The following STK32B variants were observed in gnomAD, a reference collection of about 807,000 sequenced individuals.
STK32B encodes the protein serine/threonine-protein kinase 32B.
STK32B carries 43 observed loss-of-function variants against 52.6 expected under a neutral mutation model. The observed-to-expected ratio is 0.82, with a 90% CI of 0.64 to 1.05. The LOEUF (loss-of-function observed/expected upper bound fraction) is 1.05, where lower values mean the gene tolerates loss of function less well. STK32B is among the 50% of genes least tolerant of loss of function. The pLI is 0.00. For synonymous variants in STK32B, 238 were observed against 204.3 expected (o/e 1.17, Z -1.41); for missense variants, 621 against 534.6 (o/e 1.16, Z -1.59).
chr4:5,369,859 G>A (rs1735111815), intron 4 of STK32B, among the ~76,000 whole-genome samples: 1 of 151,936 alleles, frequency 6.6e-6, no homozygotes, highest in East Asian at 1.9e-4. Context: ...CTATCAAAGA[G>A]TATATTTTTT....
At chr4:5,440,413 G>A (rs929906734) in intron 6 of STK32B, among the ~76,000 whole-genome samples, 2 of 152,022 alleles carry the variant, frequency 1.3e-5, no homozygotes, top group Non-Finnish European at 2.9e-5. Flanking sequence ...TTTGTCTGTT[G>A]TTGGTGTGTA....
intron 1 of STK32B, among the ~76,000 whole-genome samples, chr4:5,079,521 TAG>T (rs1220564242): frequency 6.6e-6 from 1 of 152,210 alleles, no homozygotes; most frequent in African/African-American, 2.4e-5. Flanking sequence ...TCTTGTTGCT[TAG>T]AGAGTTAGAA....
intron 7 of STK32B, among the ~76,000 whole-genome samples, chr4:5,455,777 G>T (rs1394006887): frequency 6.6e-6 from 1 of 152,144 alleles, no homozygotes; most frequent in Non-Finnish European, 1.5e-5. Context: ...AGAAATGAGC[G>T]TGGTCAAATT....
rs1161527596 is a variant in STK32B, at chr4:5,460,099, G to A, written c.784-4G>A. The A allele has an allele frequency of 4.3e-6, 7 of 1,614,166 alleles. No individual in the cohort carries two copies. Among genetic ancestry groups the A allele is most frequent in the Non-Finnish European group, 5.9e-6 (7 of 1,180,018 alleles). ...ATGGAAACTCATTTGCCCTCTAACT[G>A]CAGCTCCTGACCAAGGATCCTGAGA... On this transcript the variant is annotated splice_polypyrimidine_tract_variant and splice_region_variant and intron_variant, in intron 8 of 11. Transcript: ENST00000282908. The surrounding 1 kb of genome is among the most constrained non-coding windows in gnomAD (Gnocchi z 4.8).
chr4:5,336,406 C>G (rs1379812247), intron 4 of STK32B, among the ~76,000 whole-genome samples: 1 of 151,980 alleles, frequency 6.6e-6, no homozygotes, highest in African/African-American at 2.4e-5. Flanking sequence ...CCAGGGAAAT[C>G]TTCTAACTTG....
the STK32B span, among the ~76,000 whole-genome samples, chr4:5,044,273 A>C: frequency 6.6e-6 from 1 of 152,122 alleles, no homozygotes; most frequent in African/African-American, 2.4e-5. Flanking sequence ...CTCCAATCTC[A>C]GGGCCTTAAA....
chr4:5,083,836 A>T (rs965320561), intron 1 of STK32B, among the ~76,000 whole-genome samples: 2 of 151,656 alleles, frequency 1.3e-5, no homozygotes, highest in Non-Finnish European at 2.9e-5. Context: ...TCCTGGGTTC[A>T]AGCAATTGTG....
At chr4:5,498,345 T>A (rs762759295) in intron 11 of STK32B, among the ~76,000 whole-genome samples, 7 of 152,206 alleles carry the variant, frequency 4.6e-5, no homozygotes, top group Non-Finnish European at 1.0e-4. Context: ...TTCGGAATCA[T>A]ACCCCCTCAA....
intron 3 of STK32B, among the ~76,000 whole-genome samples, chr4:5,287,756 A>G (rs766256523): frequency 3.3e-5 from 5 of 152,118 alleles, no homozygotes; most frequent in Non-Finnish European, 5.9e-5. Flanking sequence ...AGGAGGTAAA[A>G]GTTTTATTGA....
At chr4:5,300,204 A>C (rs1188548617) in intron 3 of STK32B, among the ~76,000 whole-genome samples, 1 of 152,224 alleles carries the variant, frequency 6.6e-6, no homozygotes, top group East Asian at 1.9e-4. Flanking sequence ...CAATAGATGC[A>C]GAAAAAGCAT....
At chr4:5,030,240 T>C in the STK32B span, among the ~76,000 whole-genome samples, 1 of 152,144 alleles carries the variant, frequency 6.6e-6, no homozygotes, top group African/African-American at 2.4e-5. Context: ...TTCACTGAGG[T>C]TGATGATTTT....
At chr4:5,159,610 A>AATATATATGAATATATATATGAAT (rs1718208169) in intron 2 of STK32B, among the ~76,000 whole-genome samples, 8 of 95,268 alleles carry the variant, frequency 8.4e-5, no homozygotes, top group South Asian at 3.1e-4. Flanking sequence ...TATATATATG[A>AATATATATGAATATATATATGAAT]ATATATATGA....
intron 11 of STK32B, among the ~76,000 whole-genome samples, chr4:5,498,676 A>G (rs1245429066): frequency 6.6e-6 from 1 of 152,276 alleles, no homozygotes; most frequent in African/African-American, 2.4e-5. Context: ...ACAAGGAAAT[A>G]CAAGATGGGA....
At chr4:5,144,532 T>C (rs1283185079) in intron 2 of STK32B, among the ~76,000 whole-genome samples, 1 of 152,154 alleles carries the variant, frequency 6.6e-6, no homozygotes, top group East Asian at 1.9e-4. Context: ...AGGGCTGTTG[T>C]GTATACTTAA....
chr4:5,035,588 G>A, the STK32B span, among the ~76,000 whole-genome samples: 1 of 152,316 alleles, frequency 6.6e-6, no homozygotes, highest in East Asian at 1.9e-4. Context: ...CTTTGTCAGA[G>A]TCAGGGATTA....
chr4:5,138,970 G>A (rs1048169651), intron 1 of STK32B, among the ~76,000 whole-genome samples: 1 of 152,150 alleles, frequency 6.6e-6, no homozygotes. Context: ...AGCAATGGAG[G>A]GGACATCGGA....
chr4:5,023,844 G>A, the STK32B span, among the ~76,000 whole-genome samples: 7 of 152,248 alleles, frequency 4.6e-5, no homozygotes, highest in Non-Finnish European at 1.0e-4. Context: ...ACCCTGCTGT[G>A]TGTCCATGAG....
chr4:5,136,133 T>G (rs1269207203), intron 1 of STK32B, among the ~76,000 whole-genome samples: 1 of 152,194 alleles, frequency 6.6e-6, no homozygotes, highest in Non-Finnish European at 1.5e-5. Flanking sequence ...GGATTATCAT[T>G]CATTGCCTGG....
At chr4:5,297,574 T>C (rs1002635604) in intron 3 of STK32B, among the ~76,000 whole-genome samples, 8 of 152,168 alleles carry the variant, frequency 5.3e-5, no homozygotes, top group African/African-American at 1.9e-4. Context: ...CTGCTATTTA[T>C]ACTTGTATAT....
Sources: allele counts gnomAD v4.1 joint callset (sites outside exome capture counted in the v4.1 genomes callset), GRCh38; gene constraint gnomAD v4.1.1; non-coding constraint Gnocchi (gnomAD v3.1); transcripts MANE v1.5; gene names NCBI Gene and HGNC (gene_info 2026-07-23, HGNC 2026-07-21).